CELSR1: variants seen among roughly 807,000 people sequenced by gnomAD.
The protein encoded by CELSR1 is cadherin EGF LAG seven-pass G-type receptor 1, also known as adhesion G protein-coupled receptor C1.
Under a neutral mutation model 249.1 loss-of-function variants are expected in CELSR1, and 110 were observed. The ratio of observed to expected loss-of-function variants is 0.44; its 90% CI spans 0.38 to 0.52. The LOEUF (loss-of-function observed/expected upper bound fraction) is 0.52, where lower values mean the gene tolerates loss of function less well. Among genes scored for constraint, CELSR1 ranks in the 20% least tolerant of loss-of-function variants. CELSR1 has a pLI of 0.00. For missense variants in CELSR1, 4,109 were observed against 4,296.4 expected, an observed-to-expected ratio of 0.96 and a Z score of 1.22; for synonymous variants, 2,113 against 1,900.0, an observed-to-expected ratio of 1.11 and a Z score of -2.92.
chr22:46,372,773 G>A, intron 25 of CELSR1, 110 bp downstream of exon 25: 1 of 1,369,956 alleles, frequency 7.3e-7, no homozygotes, highest in Non-Finnish European at 9.9e-7. Flanking sequence ...GCTGGGGGCT[G>A]GACAAGCATT....
At chr22:46,455,740 T>C (rs1332101830) in intron 2 of CELSR1, among the ~76,000 whole-genome samples, 1 of 152,192 alleles carries the variant, frequency 6.6e-6, no homozygotes, top group Non-Finnish European at 1.5e-5. Flanking sequence ...GGGCTGTGCC[T>C]GCACACGCCG....
intron 18 of CELSR1, among the ~76,000 whole-genome samples, chr22:46,387,196 C>T (rs6008790): frequency 0.13 from 19,439 of 152,126 alleles, 2,154 homozygotes; most frequent in African/African-American, 0.3. Flanking sequence ...ACAAGCACTG[C>T]TTAAATGCTT....
intron 1 of CELSR1, among the ~76,000 whole-genome samples, chr22:46,495,953 G>A (rs1393562636): frequency 6.6e-6 from 1 of 152,020 alleles, no homozygotes; most frequent in Non-Finnish European, 1.5e-5. Context: ...CAGCGCTTTG[G>A]GAGGCCAAGG....
chr22:46,467,513 A>G (rs1602178770), intron 1 of CELSR1, among the ~76,000 whole-genome samples: 1 of 152,154 alleles, frequency 6.6e-6, no homozygotes, highest in South Asian at 2.1e-4. Context: ...CATGTTATAT[A>G]TATATATATA....
chr22:46,465,743 A>G (rs2080089752), intron 1 of CELSR1, among the ~76,000 whole-genome samples: 2 of 152,262 alleles, frequency 1.3e-5, no homozygotes, highest in Non-Finnish European at 2.9e-5. Context: ...CAGAAGCCAC[A>G]GATGCGTGCA....
At chr22:46,377,035 T>A in intron 24 of CELSR1, 26 bp downstream of exon 24, 1 of 1,608,530 alleles carries the variant, frequency 6.2e-7, no homozygotes, top group Non-Finnish European at 8.5e-7. Context: ...GCCCAGACAG[T>A]GGGGAGGGGA....
chr22:46,363,764 G>T lies in CELSR1; in HGVS notation c.9035+232C>A. ...TTTTGGGGCTGGCCAGGGCTTCAGAGTCCCAGAGGCCTGAGACGTGTCCCC... is the reference window on the plus strand; with the variant it reads ...TTTTGGGGCTGGCCAGGGCTTCAGATTCCCAGAGGCCTGAGACGTGTCCCC... On this transcript the variant is annotated intron_variant, in intron 34 of 34. Coordinates refer to ENST00000674500, the MANE Select transcript of CELSR1 (RefSeq NM_001378328.1). The surrounding 1 kb of genome is among the most constrained non-coding windows in gnomAD (Gnocchi z 4.3). 1.7e-6 allele frequency: 1 copy of T among 579,568 alleles called. No individual in the cohort carries two copies. Among genetic ancestry groups the T allele is most frequent in the Non-Finnish European group, 2.9e-6 (1 of 341,926 alleles). The allele number at this position is 579,568 out of a possible 1,614,324, so 35.9% of individuals were successfully genotyped here. A position where few individuals can be genotyped will look rare whatever the true frequency, so the allele number is the denominator to read the frequency against.
chr22:46,414,325 T>C (rs138471026), intron 5 of CELSR1, among the ~76,000 whole-genome samples: 1 of 152,332 alleles, frequency 6.6e-6, no homozygotes, highest in African/African-American at 2.4e-5. Context: ...AAGAGCCGAA[T>C]GTTCTCAGGT....
In CELSR1 at chr22:46,412,416, G is replaced by A. The variant is rs1363876563; in HGVS notation, c.4612-657C>T. ...CTTCTGGGGGTGTCCTCCTGACCAC[G>A]GCACCTGGCCAGGTTCGTGCTCCTG... On this transcript the variant is annotated intron_variant, in intron 5 of 34. Coordinates refer to ENST00000674500, the MANE Select transcript of CELSR1 (RefSeq NM_001378328.1). The surrounding 1 kb of genome is among the most constrained non-coding windows in gnomAD (Gnocchi z 4.5). Among the ~76,000 whole-genome samples the A allele has an allele frequency of 2.6e-5, 4 of 152,228 alleles. No individual in the cohort carries two copies. The highest frequency in any genetic ancestry group is 4.8e-5 in the African/African-American group (2 of 41,530).
chr22:46,535,449 C>G lies in CELSR1; in HGVS notation c.1722G>C (p.Val574=), dbSNP rs2080842654. 2 of 1,608,920 alleles carry G rather than the reference C, an allele frequency of 1.2e-6. No individual in the cohort carries two copies. The highest frequency in any genetic ancestry group is 1.3e-5 in the African/African-American group (1 of 74,908). The change falls in exon 1 of 35, where the codon GTG becomes GTC. Residue 574 remains valine (V), a synonymous_variant. Transcript: ENST00000674500. ...GGTAGCCCAGGGGCACATTCTCCAGCACCGTGGCCTGGAAGGGGCTGCTCA... is the reference window on the plus strand; with the variant it reads ...GGTAGCCCAGGGGCACATTCTCCAGGACCGTGGCCTGGAAGGGGCTGCTCA... ...IFVSSPFQAT[V]LENVPLGYPV... is the part of the protein sequence containing the mutation.
At chr22:46,450,318 G>C (rs1479321319) in intron 2 of CELSR1, among the ~76,000 whole-genome samples, 1 of 152,268 alleles carries the variant, frequency 6.6e-6, no homozygotes, top group African/African-American at 2.4e-5. Context: ...CTGCAAGGCA[G>C]GCTGACATAG....
At chr22:46,371,264 C>T (rs2078848266) in intron 25 of CELSR1, among the ~76,000 whole-genome samples, 1 of 151,978 alleles carries the variant, frequency 6.6e-6, no homozygotes, top group South Asian at 2.1e-4. Context: ...AGTGACGTTG[C>T]TGTGGAGACC....
intron 1 of CELSR1, among the ~76,000 whole-genome samples, chr22:46,491,962 G>C (rs2080371576): frequency 6.6e-6 from 1 of 152,158 alleles, no homozygotes; most frequent in South Asian, 2.1e-4. Flanking sequence ...ATATTTTCAG[G>C]TAAGTGATGT....
rs187128142 is a variant in CELSR1 at position 46,502,581 on chromosome 22, C to G, written c.3544+31046G>C. Among the ~76,000 whole-genome samples, 99 of 152,168 alleles carry G rather than the reference C, an allele frequency of 6.5e-4. 1 individual carries two copies. Among genetic ancestry groups the G allele is most frequent in the Admixed American group, 5.0e-3 (77 of 15,286 alleles). On this transcript the variant is annotated intron_variant, in intron 1 of 34. Coordinates refer to ENST00000674500, the MANE Select transcript of CELSR1 (RefSeq NM_001378328.1). ...ATTGAGAAACTGGTGATCAAAGTCA[C>G]TAGTGACAAAGCTGACTCTTCCGAA... is the stretch of plus-strand genomic sequence containing the variant.
At position 46,386,710 on chromosome 22, in the gene CELSR1, T is replaced by C; in HGVS notation, c.6556-125A>G. 9.8e-6 allele frequency: 7 copies of C among 713,576 alleles called. 1 individual carries two copies. In the South Asian group the frequency reaches 1.6e-4, roughly 16 times the overall value. The allele number at this position is 713,576 out of a possible 1,614,324, so 44.2% of individuals were successfully genotyped here. A position where few individuals can be genotyped will look rare whatever the true frequency, so the allele number is the denominator to read the frequency against. Reference sequence around the variant, plus strand: ...ATTCATTCATTCCAGCCCTACACTTTAGACTGTGCTCTTTAATATTAGTTG... The same window carrying C: ...ATTCATTCATTCCAGCCCTACACTTCAGACTGTGCTCTTTAATATTAGTTG... On this transcript the variant is annotated intron_variant, in intron 18 of 34. Coordinates refer to ENST00000674500, the MANE Select transcript of CELSR1 (RefSeq NM_001378328.1).
chr22:46,387,748 T>G (rs370644402), intron 18 of CELSR1, among the ~76,000 whole-genome samples: 4 of 152,258 alleles, frequency 2.6e-5, no homozygotes, highest in African/African-American at 9.6e-5. Context: ...TGTCAGAGGC[T>G]GGGACTCTGG....
chr22:46,391,923 T>A lies in CELSR1; in HGVS notation c.5965-107A>T, dbSNP rs1474125405. ...CAGACTCCCACCCGGGTGTGTGTGT[T>A]GGCCGCCAGCCATCCCACCCCTCAT... On this transcript the variant is annotated intron_variant, in intron 14 of 34. Coordinates refer to ENST00000674500, the MANE Select transcript of CELSR1 (RefSeq NM_001378328.1). The surrounding 1 kb of genome is among the most constrained non-coding windows in gnomAD (Gnocchi z 4.3). 4 of 1,230,398 alleles carry A rather than the reference T, an allele frequency of 3.3e-6. No individual in the cohort carries two copies. In the African/African-American group the frequency reaches 6.2e-5, roughly 19 times the overall value. 76.2% of individuals were successfully genotyped at this position (1,230,398 alleles called of 1,614,324 possible). A position where few individuals can be genotyped will look rare whatever the true frequency, so the allele number is the denominator to read the frequency against.
chr22:46,387,122 C>T (rs1427657658), intron 18 of CELSR1, among the ~76,000 whole-genome samples: 1 of 152,112 alleles, frequency 6.6e-6, no homozygotes, highest in Non-Finnish European at 1.5e-5. Context: ...ACTAAGCTCA[C>T]AAAGTATATT....
intron 19 of CELSR1, among the ~76,000 whole-genome samples, chr22:46,385,534 C>A (rs12160230): frequency 0.085 from 12,932 of 152,214 alleles, 725 homozygotes; most frequent in African/African-American, 0.15. Context: ...GGTTTGGAAG[C>A]CCTGCCGGAC....
Sources: allele counts gnomAD v4.1 joint callset (sites outside exome capture counted in the v4.1 genomes callset), GRCh38; gene constraint gnomAD v4.1.1; non-coding constraint Gnocchi (gnomAD v3.1); transcripts MANE v1.5; gene names NCBI Gene and HGNC (gene_info 2026-07-23, HGNC 2026-07-21).